The following KCTD16 variants were observed in gnomAD, a reference collection of about 807,000 sequenced individuals.
KCTD16 encodes the protein potassium channel tetramerization domain containing 16, also known as BTB/POZ domain-containing protein KCTD16.
A neutral mutation model predicts 33.2 loss-of-function variants in KCTD16; 13 were observed. That is an observed-to-expected ratio of 0.39 (90% CI 0.25 to 0.62). The LOEUF is 0.62. Ranked by LOEUF, KCTD16 falls within the 20% of genes least tolerant of loss-of-function variation. KCTD16 has a pLI of 0.50. For missense variants in KCTD16, 441 were observed against 525.1 expected (o/e 0.84, Z 1.57); for synonymous variants, 197 against 195.3 (o/e 1.01, Z -0.07).
At chr5:144,354,907 T>G (rs1490907344) in intron 3 of KCTD16, among the ~76,000 whole-genome samples, 2 of 152,166 alleles carry the variant, frequency 1.3e-5, no homozygotes, top group African/African-American at 4.8e-5. Context: ...TAGGTAACAT[T>G]TATTTGATGG....
chr5:144,463,332 T>G (rs1754246273), intron 3 of KCTD16, among the ~76,000 whole-genome samples: 2 of 152,204 alleles, frequency 1.3e-5, no homozygotes, highest in South Asian at 4.1e-4. Context: ...AATTTGCCTT[T>G]TATTGTTAAG....
intron 3 of KCTD16, among the ~76,000 whole-genome samples, chr5:144,279,899 A>AT (rs569959057): frequency 1.1e-3 from 168 of 152,216 alleles, no homozygotes; most frequent in African/African-American, 3.7e-3. Flanking sequence ...TGAACCTTAC[A>AT]TTTTTTCCCC....
chr5:144,438,036 T>A (rs1259025290), intron 3 of KCTD16, among the ~76,000 whole-genome samples: 4 of 152,226 alleles, frequency 2.6e-5, no homozygotes, highest in Non-Finnish European at 4.4e-5. Context: ...AGTAATAATT[T>A]TTAAAATATT....
At chr5:144,258,502 C>T (rs6865526) in intron 3 of KCTD16, among the ~76,000 whole-genome samples, 8,667 of 152,064 alleles carry the variant, frequency 0.057, 821 homozygotes, top group African/African-American at 0.19. Flanking sequence ...AAATATATAA[C>T]CAAAGTGTAG....
intron 3 of KCTD16, among the ~76,000 whole-genome samples, chr5:144,340,739 A>G (rs1301725105): frequency 1.3e-5 from 2 of 152,104 alleles, no homozygotes; most frequent in African/African-American, 4.8e-5. Context: ...GCAAACCAGG[A>G]AGAGAGCCCT....
In KCTD16 at chr5:144,259,371, A is replaced by T. The variant is rs533218302; in HGVS notation, c.832+51825A>T. 2.0e-5 allele frequency among the ~76,000 whole-genome samples: 3 copies of T among 152,014 alleles called. No individual in the cohort carries two copies. In the East Asian group the frequency reaches 5.8e-4, roughly 29 times the overall value. ...GCTACTTGATTAGTATCAAATTGAA[A>T]TGTTCTTCTAAACACACAGTACATT... On this transcript the variant is annotated intron_variant, in intron 3 of 3. Transcript: ENST00000512467.
intron 3 of KCTD16, among the ~76,000 whole-genome samples, chr5:144,332,569 A>C (rs1203052299): frequency 6.6e-6 from 1 of 152,190 alleles, no homozygotes; most frequent in African/African-American, 2.4e-5. Context: ...GGATTAATTT[A>C]AAGTCTACAC....
At chr5:144,199,707 A>ATT (rs574670606) in intron 2 of KCTD16, among the ~76,000 whole-genome samples, 1,059 of 67,750 alleles carry the variant, frequency 0.016, 146 homozygotes, top group Non-Finnish European at 0.021. Flanking sequence ...GAACAGCTTC[A>ATT]TTTTTTTTTT....
intron 3 of KCTD16, among the ~76,000 whole-genome samples, chr5:144,391,002 C>T (rs1396710584): frequency 6.6e-6 from 1 of 151,838 alleles, no homozygotes; most frequent in East Asian, 1.9e-4. Context: ...TTATGAGTAC[C>T]TACAGCTCCC....
At chr5:144,305,684 C>T (rs1423970199) in intron 3 of KCTD16, among the ~76,000 whole-genome samples, 1 of 151,928 alleles carries the variant, frequency 6.6e-6, no homozygotes, top group Non-Finnish European at 1.5e-5. Context: ...CATGGTGGTG[C>T]GCACCTGTAC....
chr5:144,480,331 A>G lies in KCTD16; in HGVS notation c.*6217A>G, dbSNP rs1366212091. On this transcript the variant is annotated 3_prime_UTR_variant, in exon 4 of 4. Coordinates refer to ENST00000512467, the MANE Select transcript of KCTD16 (RefSeq NM_020768.4). Reference sequence around the variant, plus strand: ...TGGATGTCAGTCCTTGAGAATGTTAAGTAAAGCTTGAGCTTGTCTCCTCAT... The same window carrying G: ...TGGATGTCAGTCCTTGAGAATGTTAGGTAAAGCTTGAGCTTGTCTCCTCAT... The G allele has an allele frequency of 8.5e-6, 1 of 117,658 alleles. No homozygotes were observed. The highest frequency in any genetic ancestry group is 1.8e-5 in the Non-Finnish European group (1 of 56,318). The allele number at this position is 117,658 out of a possible 1,614,324, so 7.3% of individuals were successfully genotyped here. A position where few individuals can be genotyped will look rare whatever the true frequency, so the allele number is the denominator to read the frequency against.
intron 2 of KCTD16, among the ~76,000 whole-genome samples, chr5:144,180,128 T>C (rs1451216591): frequency 6.6e-6 from 1 of 152,206 alleles, no homozygotes; most frequent in African/African-American, 2.4e-5. Flanking sequence ...TTTGGAGATC[T>C]GCTGCTTGGG....
At chr5:144,309,379 T>C (rs76661012) in intron 3 of KCTD16, among the ~76,000 whole-genome samples, 1 of 151,684 alleles carries the variant, frequency 6.6e-6, no homozygotes, top group Non-Finnish European at 1.5e-5. Flanking sequence ...TTTTTTTTTT[T>C]CAGGCCGAAA....
At chr5:144,188,249 A>T (rs1561522962) in intron 2 of KCTD16, among the ~76,000 whole-genome samples, 1 of 152,202 alleles carries the variant, frequency 6.6e-6, no homozygotes, top group African/African-American at 2.4e-5. Context: ...TACTTACAAA[A>T]AGCTAATAGA....
chr5:144,365,603 G>A (rs1052858702), intron 3 of KCTD16, among the ~76,000 whole-genome samples: 1 of 152,132 alleles, frequency 6.6e-6, no homozygotes, highest in African/African-American at 2.4e-5. Flanking sequence ...GGTTACTTTA[G>A]CCTGTTGTTT....
At chr5:144,360,041 C>A (rs1751669835) in intron 3 of KCTD16, among the ~76,000 whole-genome samples, 1 of 152,076 alleles carries the variant, frequency 6.6e-6, no homozygotes, top group African/African-American at 2.4e-5. Context: ...TCAATGAAAA[C>A]CTAGTTAGCA....
At chr5:144,212,706 C>T (rs932138845) in intron 3 of KCTD16, among the ~76,000 whole-genome samples, 4 of 152,222 alleles carry the variant, frequency 2.6e-5, no homozygotes, top group Admixed American at 6.5e-5. Context: ...GTTTCTGCAT[C>T]ATAACGCACT....
At chr5:144,201,894 C>T (rs1258488033) in intron 2 of KCTD16, among the ~76,000 whole-genome samples, 1 of 152,198 alleles carries the variant, frequency 6.6e-6, no homozygotes, top group Non-Finnish European at 1.5e-5. Context: ...AGCATGAAAG[C>T]TATCTCTGCT....
chr5:144,276,716 C>T (rs1163053634), intron 3 of KCTD16, among the ~76,000 whole-genome samples: 1 of 152,004 alleles, frequency 6.6e-6, no homozygotes, highest in Non-Finnish European at 1.5e-5. Context: ...CCTGCCTGGC[C>T]AACATGGTGA....
Sources: gnomAD v4.1 joint callset for allele counts (sites outside exome capture counted in the v4.1 genomes callset) on GRCh38, gnomAD v4.1.1 for gene constraint, MANE v1.5 for transcripts, NCBI Gene and HGNC (gene_info 2026-07-23, HGNC 2026-07-21) for gene names.